Variants in IPO5 observed in about 807,000 individuals in gnomAD.
IPO5 encodes the protein importin 5.
A neutral mutation model predicts 143.3 loss-of-function variants in IPO5; 18 were observed. That is an observed-to-expected ratio of 0.13 (90% CI 0.09 to 0.19). IPO5 has a LOEUF of 0.19. Among genes scored for constraint, IPO5 ranks in the 10% least tolerant of loss-of-function variants. The probability of loss-of-function intolerance (pLI) is 1.00; values close to 1 mark genes in which losing one functional copy is unlikely to be tolerated. For synonymous variants in IPO5, 477 were observed against 465.7 expected, an observed-to-expected ratio of 1.02 and a Z score of -0.31; for missense variants, 1,013 against 1,336.9, an observed-to-expected ratio of 0.76 and a Z score of 3.78.
At chr13:98,019,508 T>C in intron 26 of IPO5, 73 bp from the exon 27 acceptor site, 1 of 1,025,534 alleles carries the variant, frequency 9.8e-7, no homozygotes, top group Non-Finnish European at 1.5e-6. Flanking sequence ...CTGAACCAAA[T>C]ACAAAAATAC....
At chr13:97,970,417 G>C (rs1367061775) in intron 3 of IPO5, among the ~76,000 whole-genome samples, 2 of 151,874 alleles carry the variant, frequency 1.3e-5, no homozygotes, top group Non-Finnish European at 1.5e-5. Context: ...TCAGGAGTTC[G>C]AGACAAGCCT....
In IPO5 at chr13:97,982,599, T is replaced by A; in HGVS notation, c.171+16T>A. ...TGCTGAAGAGGTACTACCTTAATAT[T>A]TGTGACTATTACATTCTTAGAAAAT... On this transcript the variant is annotated intron_variant, in intron 5 of 28. Coordinates refer to ENST00000651721, the MANE Select transcript of IPO5 (RefSeq NM_002271.6). 7.7e-6 allele frequency: 11 copies of A among 1,434,826 alleles called. No individual in the cohort carries two copies. The highest frequency in any genetic ancestry group is 1.1e-5 in the Non-Finnish European group (11 of 1,019,848). The allele number at this position is 1,434,826 out of a possible 1,614,324, so 88.9% of individuals were successfully genotyped here.
intron 17 of IPO5, 34 bp from the exon 18 acceptor site, chr13:98,008,025 A>ATGTTG (rs1378942878): frequency 1.4e-6 from 2 of 1,392,954 alleles, no homozygotes; most frequent in East Asian, 4.6e-5. Flanking sequence ...AAAATTCGGT[A>ATGTTG]TCAACAAGTG....
At position 98,006,208 on chromosome 13, in the gene IPO5, A is replaced by G. The variant is rs1378358472; in HGVS notation, c.1576A>G (p.Lys526Glu). 6.2e-7 allele frequency: 1 copy of G among 1,613,968 alleles called. No individual in the cohort carries two copies. The highest frequency in any genetic ancestry group is 8.5e-7 in the Non-Finnish European group (1 of 1,179,884). ...IASVADTAEE[K>E]FVPYYDLFMP... ...ATCAGTTGCCGATACTGCAGAAGAA[A>G]AATTTGTCCCCTACTATGATTTATT... is the stretch of plus-strand genomic sequence containing the variant. The change falls in exon 17 of 29, where the codon AAA becomes GAA. Residue 526 changes from lysine to glutamate, a missense_variant. Lys to Glu is a moderately conservative substitution (Grantham distance 56, BLOSUM62 1). Around this residue, in one of 2 missense-constraint regions of IPO5, gnomAD observed 685 missense variants for 994.9 expected, o/e 0.69. Transcript: ENST00000651721.
intron 13 of IPO5, 53 bp downstream of exon 13, chr13:98,000,698 C>A: frequency 8.4e-7 from 1 of 1,196,210 alleles, no homozygotes; most frequent in Non-Finnish European, 1.3e-6. Flanking sequence ...CTTTCTAAAG[C>A]TTAAATTCTA....
chr13:97,961,520 G>A (rs1457069181), intron 2 of IPO5, among the ~76,000 whole-genome samples: 1 of 152,130 alleles, frequency 6.6e-6, no homozygotes, highest in African/African-American at 2.4e-5. Flanking sequence ...TTCCAAATTG[G>A]CTGTAACATT....
At chr13:97,959,943 C>T (rs1480059493) in intron 2 of IPO5, among the ~76,000 whole-genome samples, 1 of 152,192 alleles carries the variant, frequency 6.6e-6, no homozygotes, top group Non-Finnish European at 1.5e-5. Context: ...AGCCTAGCAG[C>T]ACCTCCCACA....
In IPO5 at chr13:97,969,837, G is replaced by C. The variant is rs2139552234; in HGVS notation, c.-5+7G>C. The C allele has an allele frequency of 1.2e-6, 2 of 1,601,954 alleles. No homozygotes were observed. Among genetic ancestry groups the C allele is most frequent in the Non-Finnish European group, 1.7e-6 (2 of 1,172,418 alleles). ...CAACAGAAAACACAATAAGGTAACT[G>C]ATTTCACCTGGGGAAAAGTCACTTC... On this transcript the variant is annotated splice_region_variant and intron_variant, in intron 3 of 28. Transcript: ENST00000651721.
intron 18 of IPO5, 118 bp downstream of exon 18, chr13:98,008,260 G>A: frequency 1.7e-6 from 1 of 602,482 alleles, no homozygotes; most frequent in East Asian, 2.9e-5. Context: ...ACCCCTGCTA[G>A]CAGAGACATT....
intron 2 of IPO5, among the ~76,000 whole-genome samples, chr13:97,963,009 G>A (rs1051924863): frequency 5.9e-5 from 9 of 152,140 alleles, no homozygotes; most frequent in African/African-American, 2.2e-4. Context: ...TTTCTGTGCT[G>A]TGGTCTTGTA....
intron 2 of IPO5, among the ~76,000 whole-genome samples, chr13:97,969,478 G>A (rs961292229): frequency 1.7e-4 from 26 of 151,678 alleles, no homozygotes; most frequent in African/African-American, 4.8e-4. Flanking sequence ...CACTGCACCC[G>A]GCCTCTGCTA....
rs1237308699 is a variant in IPO5, at chr13:98,010,212, T to C, written c.2043T>C (p.Ala681=). ...CAGGACTAGAAGAAAAATCAACTGC[T>C]TGCCAGATGTTGGTAAGAGAGCACT... ...KTAGLEEKST[A]CQMLVCYAKE... Residue 681 remains alanine (A), a synonymous_variant, in exon 20 of 29, where the codon GCT becomes GCC. Coordinates refer to ENST00000651721, the MANE Select transcript of IPO5 (RefSeq NM_002271.6). 4 of 1,613,854 alleles carry C rather than the reference T, an allele frequency of 2.5e-6. No individual in the cohort carries two copies. The highest frequency in any genetic ancestry group is 3.4e-6 in the Non-Finnish European group (4 of 1,179,894).
chr13:97,953,727 C>A lies in IPO5; in HGVS notation c.-193+11C>A. Reference sequence around the variant, plus strand: ...ACAGCTCTGACCACAGTAAGTCATCCCAAAACCTCACATTCAGATGAAACC... The same window carrying A: ...ACAGCTCTGACCACAGTAAGTCATCACAAAACCTCACATTCAGATGAAACC... On this transcript the variant is annotated intron_variant, in intron 1 of 28. Transcript: ENST00000651721. 1 of 310,338 alleles carries A rather than the reference C, an allele frequency of 3.2e-6. No individual in the cohort carries two copies. Among genetic ancestry groups the A allele is most frequent in the Non-Finnish European group, 6.4e-6 (1 of 155,922 alleles). The allele number at this position is 310,338 out of a possible 1,614,324, so 19.2% of individuals were successfully genotyped here. A position where few individuals can be genotyped will look rare whatever the true frequency, so the allele number is the denominator to read the frequency against.
intron 6 of IPO5, 73 bp downstream of exon 6, chr13:97,985,686 C>A (rs1170936689): frequency 7.2e-6 from 7 of 966,994 alleles, no homozygotes; most frequent in Non-Finnish European, 1.1e-5. Flanking sequence ...TTAATGGAAT[C>A]TTTTAGAGTA....
chr13:98,011,480 C>T (rs1278682905), intron 20 of IPO5, among the ~76,000 whole-genome samples: 3 of 150,578 alleles, frequency 2.0e-5, no homozygotes, highest in Non-Finnish European at 4.4e-5. Flanking sequence ...TTAGTAGAGA[C>T]GGGTTTTCAC....
chr13:97,980,860 T>TG, intron 4 of IPO5, among the ~76,000 whole-genome samples: 1 of 151,962 alleles, frequency 6.6e-6, no homozygotes, highest in Non-Finnish European at 1.5e-5. Context: ...TGCAAAAACT[T>TG]GATTTAGACC....
chr13:98,005,796 AAATG>A (rs1339393368), intron 16 of IPO5, among the ~76,000 whole-genome samples: 1 of 152,182 alleles, frequency 6.6e-6, no homozygotes, highest in African/African-American at 2.4e-5. Flanking sequence ...GTGAAGAAAA[AAATG>A]AGGATGAAGT....
rs1336577966 is a variant in IPO5, at chr13:98,019,825, G to T, written c.3065+16G>T. On this transcript the variant is annotated intron_variant, in intron 27 of 28. Coordinates refer to ENST00000651721, the MANE Select transcript of IPO5 (RefSeq NM_002271.6). ...TGATTGAAAGGTAGGAAAGCAGACT[G>T]TGACCTTATTTCCTTCTCCTCCACA... 1 of 1,538,892 alleles carries T rather than the reference G, an allele frequency of 6.5e-7. No homozygotes were observed. Among genetic ancestry groups the T allele is most frequent in the Non-Finnish European group, 9.0e-7 (1 of 1,112,222 alleles).
chr13:98,018,764 T>C lies in IPO5; in HGVS notation c.2836+60T>C. 2.4e-6 allele frequency: 3 copies of C among 1,234,194 alleles called. No homozygotes were observed. The East Asian group carries it at 7.1e-5, about 29-fold the overall frequency. 76.5% of individuals were successfully genotyped at this position (1,234,194 alleles called of 1,614,324 possible). A position where few individuals can be genotyped will look rare whatever the true frequency, so the allele number is the denominator to read the frequency against. ...CCAGACATCCTGTGAATCCCTACTT[T>C]ACTCTCTTTACCACACTCCCAAACA... On this transcript the variant is annotated intron_variant, in intron 26 of 28. Transcript: ENST00000651721.
Sources: allele counts gnomAD v4.1 joint callset (sites outside exome capture counted in the v4.1 genomes callset), GRCh38; gene constraint gnomAD v4.1.1; regional missense constraint gnomAD v4.1.1; transcripts MANE v1.5; gene names NCBI Gene and HGNC (gene_info 2026-07-23, HGNC 2026-07-21).